The following PPFIA2 variants were observed in gnomAD, a reference collection of about 807,000 sequenced individuals.
PPFIA2 encodes liprin-alpha-2.
A neutral mutation model predicts 175.5 loss-of-function variants in PPFIA2; 46 were observed. The ratio of observed to expected loss-of-function variants is 0.26; its 90% CI spans 0.21 to 0.34. The LOEUF is 0.34. PPFIA2 is among the 10% of genes least tolerant of loss of function. The probability of loss-of-function intolerance (pLI) is 1.00; values close to 1 mark genes in which losing one functional copy is unlikely to be tolerated. For missense variants in PPFIA2, 1,179 were observed against 1,506.1 expected (o/e 0.78, Z 3.60); for synonymous variants, 568 against 511.4 (o/e 1.11, Z -1.49).
At chr12:81,334,346 C>T (rs1407269548) in intron 21 of PPFIA2, among the ~76,000 whole-genome samples, 2 of 152,098 alleles carry the variant, frequency 1.3e-5, no homozygotes, top group South Asian at 2.1e-4. Context: ...GAAAACTCCT[C>T]GATGCCGATA....
At chr12:81,527,163 G>T (rs1045860857) in intron 4 of PPFIA2, among the ~76,000 whole-genome samples, 1 of 151,964 alleles carries the variant, frequency 6.6e-6, no homozygotes, top group Non-Finnish European at 1.5e-5. Context: ...ATTTTAATAG[G>T]TGTCAGCACT....
rs71098156 is a variant in PPFIA2 at position 81,637,236 on chromosome 12, ATTTTTTTTTTTTTTTTTTTTTTTTTTTT to A, written c.303+39527_303+39554del. On this transcript the variant is annotated intron_variant, in intron 4 of 32. Coordinates refer to ENST00000549396, the MANE Select transcript of PPFIA2 (RefSeq NM_003625.5). ...AGGCATGCGCTACCACGCCAGGCTA[ATTTTTTTTTTTTTTTTTTTTTTTTTTTT>A]TTTTTTTTTTTTTTTTTTTAGTAGA... 3.6e-4 allele frequency among the ~76,000 whole-genome samples: 24 copies of A among 65,920 alleles called. 1 individual carries two copies. The East Asian group carries it at 3.8e-3, about 11-fold the overall frequency. 43.2% of individuals were successfully genotyped at this position (65,920 alleles called of 152,430 possible). A position where few individuals can be genotyped will look rare whatever the true frequency, so the allele number is the denominator to read the frequency against.
At chr12:81,657,822 A>C (rs944043744) in intron 4 of PPFIA2, among the ~76,000 whole-genome samples, 7 of 152,180 alleles carry the variant, frequency 4.6e-5, no homozygotes, top group Non-Finnish European at 8.8e-5. Flanking sequence ...TTAGTTATTT[A>C]AGACCTGGTT....
chr12:81,301,582 C>T (rs1402880878), intron 22 of PPFIA2, among the ~76,000 whole-genome samples: 1 of 152,122 alleles, frequency 6.6e-6, no homozygotes, highest in Non-Finnish European at 1.5e-5. Context: ...CATAACTCTC[C>T]AATCACTTCC....
intron 22 of PPFIA2, among the ~76,000 whole-genome samples, chr12:81,324,328 C>A (rs2139735658): frequency 6.6e-6 from 1 of 152,100 alleles, no homozygotes; most frequent in African/African-American, 2.4e-5. Flanking sequence ...AAAGATATTT[C>A]AGTTGGCTCC....
chr12:81,430,524 A>ACTCTCTCTCT (rs10570346), intron 7 of PPFIA2: 9 of 127,580 alleles, frequency 7.1e-5, no homozygotes, highest in African/African-American at 2.0e-4. Context: ...TATGCTTAAA[A>ACTCTCTCTCT]CTCTCTCTCT....
At chr12:81,571,031 T>A (rs1385635841) in intron 4 of PPFIA2, among the ~76,000 whole-genome samples, 1 of 152,046 alleles carries the variant, frequency 6.6e-6, no homozygotes, top group Non-Finnish European at 1.5e-5. Flanking sequence ...CATTATGGTG[T>A]AACAACTTGC....
In PPFIA2 at chr12:81,604,606, T is replaced by TAA. The variant is rs1326200696; in HGVS notation, c.303+72184_303+72185insTT. Reference sequence around the variant, plus strand: ...CTATTTCAATCGAAAATTATATATATATATTACAATATCACACCTCAAATA... The same window carrying TAA: ...CTATTTCAATCGAAAATTATATATATAAATATTACAATATCACACCTCAAATA... On this transcript the variant is annotated intron_variant, in intron 4 of 32. Transcript: ENST00000549396. 2.6e-5 allele frequency among the ~76,000 whole-genome samples: 4 copies of TAA among 151,142 alleles called. No homozygotes were observed. The East Asian group carries it at 7.8e-4, about 29-fold the overall frequency.
At chr12:81,459,604 T>C (rs1377671149) in intron 4 of PPFIA2, among the ~76,000 whole-genome samples, 1 of 152,160 alleles carries the variant, frequency 6.6e-6, no homozygotes, top group Non-Finnish European at 1.5e-5. Flanking sequence ...GAAATATGTT[T>C]TCGTGCTTTG....
chr12:81,547,534 C>A (rs935302692), intron 4 of PPFIA2, among the ~76,000 whole-genome samples: 1 of 152,140 alleles, frequency 6.6e-6, no homozygotes, highest in East Asian at 1.9e-4. Context: ...CGCCACTACA[C>A]CTGCCTAATT....
intron 4 of PPFIA2, among the ~76,000 whole-genome samples, chr12:81,671,061 C>T (rs1055524214): frequency 2.6e-5 from 4 of 151,902 alleles, no homozygotes; most frequent in African/African-American, 9.7e-5. Context: ...AATGAGACCT[C>T]ACCTTTAAAT....
At chr12:81,310,681 C>T (rs1486891471) in intron 22 of PPFIA2, among the ~76,000 whole-genome samples, 2 of 152,046 alleles carry the variant, frequency 1.3e-5, no homozygotes, top group Non-Finnish European at 2.9e-5. Flanking sequence ...AAAGAGCTTA[C>T]AATATTCATT....
rs1454780226 is a variant in PPFIA2, at chr12:81,699,669, T to A, written c.250-22825A>T. On this transcript the variant is annotated intron_variant, in intron 3 of 32. Transcript: ENST00000549396. ...TCTAAGATTATGCCATAAACCTAAATGTTTGCTTTTAGTGGATTTCATCAC... is the reference window on the plus strand; with the variant it reads ...TCTAAGATTATGCCATAAACCTAAAAGTTTGCTTTTAGTGGATTTCATCAC... 4.6e-5 allele frequency among the ~76,000 whole-genome samples: 7 copies of A among 152,006 alleles called. No individual in the cohort carries two copies. In the East Asian group the frequency reaches 1.4e-3, roughly 29 times the overall value.
intron 4 of PPFIA2, among the ~76,000 whole-genome samples, chr12:81,617,565 C>T (rs562552318): frequency 6.6e-6 from 1 of 152,266 alleles, no homozygotes; most frequent in East Asian, 1.9e-4. Flanking sequence ...TTTGCCTAAT[C>T]CCAATCCTCC....
intron 4 of PPFIA2, among the ~76,000 whole-genome samples, chr12:81,482,352 C>T (rs2058334761): frequency 6.6e-6 from 1 of 152,080 alleles, no homozygotes; most frequent in Non-Finnish European, 1.5e-5. Context: ...GATCTAGAAC[C>T]AGAAATATCA....
At chr12:81,459,911 G>A (rs1009241101) in intron 4 of PPFIA2, among the ~76,000 whole-genome samples, 6 of 152,094 alleles carry the variant, frequency 3.9e-5, no homozygotes, top group African/African-American at 1.4e-4. Context: ...ATGGTAAGCT[G>A]TATGTCTAAG....
intron 4 of PPFIA2, among the ~76,000 whole-genome samples, chr12:81,636,557 G>T (rs897149779): frequency 6.7e-6 from 1 of 149,262 alleles, no homozygotes; most frequent in Non-Finnish European, 1.5e-5. Context: ...GAGCCACCGC[G>T]CCCGGCCAAC....
chr12:81,445,169 G>T (rs1358409666), intron 6 of PPFIA2, among the ~76,000 whole-genome samples: 1 of 125,158 alleles, frequency 8.0e-6, no homozygotes, highest in Non-Finnish European at 1.6e-5. Flanking sequence ...TTCAGTTAGT[G>T]GTCTCTTATT....
At chr12:81,350,699 T>G (rs955783365) in intron 17 of PPFIA2, among the ~76,000 whole-genome samples, 8 of 152,124 alleles carry the variant, frequency 5.3e-5, no homozygotes, top group Non-Finnish European at 1.0e-4. Flanking sequence ...AAAAGGGGGA[T>G]TACATAAACA....
Sources: gnomAD v4.1 joint callset for allele counts (sites outside exome capture counted in the v4.1 genomes callset) on GRCh38, gnomAD v4.1.1 for gene constraint, MANE v1.5 for transcripts, NCBI Gene and HGNC (gene_info 2026-07-23, HGNC 2026-07-21) for gene names.